THADA: variants seen among roughly 807,000 people sequenced by gnomAD.
THADA encodes THADA armadillo repeat containing.
In THADA, 213 loss-of-function variants were observed where a neutral mutation model predicts 219.8. The observed-to-expected ratio is 0.97, with a 90% confidence interval of 0.87 to 1.09. The LOEUF (loss-of-function observed/expected upper bound fraction) is 1.09. Among genes scored for constraint, THADA ranks in the 50% least tolerant of loss-of-function variants. The pLI is 0.00. For synonymous variants in THADA, 1,018 were observed against 828.9 expected (o/e 1.23, Z -3.92); for missense variants, 2,956 against 2,311.3 (o/e 1.28, Z -5.72).
At position 43,231,024 on chromosome 2, in the gene THADA, G is replaced by A; in HGVS notation, c.5786C>T (p.Thr1929Ile). Residue 1929 changes from threonine (T) to isoleucine (I), a missense_variant, in exon 38 of 38, where the codon ACC becomes ATC. Thr to Ile is a moderately conservative substitution (Grantham distance 89, BLOSUM62 -1). Coordinates refer to ENST00000405975, the MANE Select transcript of THADA (RefSeq NM_022065.5). ...AFLEGKEGEDTLVLSVWDSYA... is the reference protein window; with the variant it reads ...AFLEGKEGEDILVLSVWDSYA... Reference sequence around the variant, plus strand: ...AGAGTCCCAAACACTGAGAACTAGGGTGTCTTCCCCTTCCTTTCCTTCCAA... The same window carrying A: ...AGAGTCCCAAACACTGAGAACTAGGATGTCTTCCCCTTCCTTTCCTTCCAA... 6.2e-7 allele frequency: 1 copy of A among 1,613,912 alleles called. No homozygotes were observed. Among genetic ancestry groups the A allele is most frequent in the Non-Finnish European group, 8.5e-7 (1 of 1,179,870 alleles).
chr2:43,515,142 AATATATTTT>A (rs1558891372), intron 22 of THADA, among the ~76,000 whole-genome samples: 135 of 5,168 alleles, frequency 0.026, 4 homozygotes, highest in Middle Eastern at 0.083. Context: ...TATAATATAT[AATATATTTT>A]ATATATTATA....
At chr2:43,412,179 G>A (rs774541472) in intron 28 of THADA, among the ~76,000 whole-genome samples, 4 of 152,054 alleles carry the variant, frequency 2.6e-5, no homozygotes, top group African/African-American at 4.8e-5. Context: ...CTTTATTTCC[G>A]TTTGAGTTCA....
chr2:43,549,219 C>T lies in THADA; in HGVS notation c.3097G>A (p.Glu1033Lys), dbSNP rs868545665. ...ASVVNIDTST[E>K]IKGKEVKTCD... The stretch of plus-strand genomic sequence containing the variant: ...ATTTTATACAAGTTACCTTTGATTT[C>T]TGTAGAAGTATCAATATTCACCACA... Residue 1033 changes from glutamate (E) to lysine (K), a missense_variant, in exon 20 of 38, where the codon GAA becomes AAA. Coordinates refer to ENST00000405975, the MANE Select transcript of THADA (RefSeq NM_022065.5). 3 of 1,572,250 alleles carry T rather than the reference C, an allele frequency of 1.9e-6. No homozygotes were observed. Among genetic ancestry groups the T allele is most frequent in the East Asian group, 4.5e-5 (2 of 44,386 alleles).
rs781444863 is a variant in THADA at position 43,581,849 on chromosome 2, C to G, written c.613G>C (p.Val205Leu). The change falls in exon 8 of 38, where the codon GTA becomes CTA. Residue 205 changes from valine (V) to leucine (L), a missense_variant. Transcript: ENST00000405975. ...LVGIRVSMML[V>L]QKVQDFQGNL... The stretch of plus-strand genomic sequence containing the variant: ...CCCTGGAAATCTTGTACTTTCTGTA[C>G]TAACATCATTGAAACTCTAATGCCT... The G allele has an allele frequency of 6.2e-7, 1 of 1,612,348 alleles. No homozygotes were observed. The highest frequency in any genetic ancestry group is 1.1e-5 in the South Asian group (1 of 90,778).
intron 29 of THADA, among the ~76,000 whole-genome samples, chr2:43,376,591 G>C (rs1671406630): frequency 6.6e-6 from 1 of 152,140 alleles, no homozygotes; most frequent in Admixed American, 6.5e-5. Flanking sequence ...GGAATCAACA[G>C]CAAAGACTCT....
chr2:43,296,928 G>A (rs1192530782), intron 31 of THADA, among the ~76,000 whole-genome samples: 5 of 149,628 alleles, frequency 3.3e-5, no homozygotes, highest in African/African-American at 9.9e-5. Context: ...GCCTCCCAAA[G>A]TGCCGAGATT....
At chr2:43,455,134 T>C (rs1275066428) in intron 26 of THADA, among the ~76,000 whole-genome samples, 2 of 152,290 alleles carry the variant, frequency 1.3e-5, no homozygotes, top group South Asian at 2.1e-4. Context: ...TCTAATCTTA[T>C]TTTTTCTCTC....
intron 7 of THADA, among the ~76,000 whole-genome samples, chr2:43,583,785 G>A (rs1251933601): frequency 6.6e-6 from 1 of 152,164 alleles, no homozygotes; most frequent in African/African-American, 2.4e-5. Flanking sequence ...AAACACGCCT[G>A]TAATCCCAGC....
At chr2:43,587,495 G>C (rs1370612081) in intron 4 of THADA, among the ~76,000 whole-genome samples, 2 of 151,886 alleles carry the variant, frequency 1.3e-5, no homozygotes, top group African/African-American at 2.4e-5. Flanking sequence ...GCTCTGTTCT[G>C]ACATACCAGT....
chr2:43,353,844 G>C (rs1668565956), intron 29 of THADA, among the ~76,000 whole-genome samples: 1 of 107,768 alleles, frequency 9.3e-6, no homozygotes, highest in African/African-American at 4.0e-5. Context: ...TTGAGATGTA[G>C]TCTCGCTCTG....
At chr2:43,555,246 AAAG>A (rs1438494311) in intron 17 of THADA, among the ~76,000 whole-genome samples, 13 of 151,842 alleles carry the variant, frequency 8.6e-5, no homozygotes, top group African/African-American at 3.1e-4. Context: ...TTATTAAAAA[AAAG>A]AAGATAAAAA....
intron 31 of THADA, among the ~76,000 whole-genome samples, chr2:43,315,633 T>TA (rs898518239): frequency 2.3e-4 from 34 of 150,370 alleles, no homozygotes; most frequent in East Asian, 5.8e-4. Flanking sequence ...TCCAGCTAAT[T>TA]AAAAAAAAAA....
chr2:43,474,388 A>G (rs1202260777), intron 26 of THADA, among the ~76,000 whole-genome samples: 2 of 152,170 alleles, frequency 1.3e-5, no homozygotes, highest in Non-Finnish European at 2.9e-5. Context: ...AGAGGAAAGG[A>G]GTTCACAGAG....
chr2:43,419,070 G>A (rs559577510), intron 28 of THADA, among the ~76,000 whole-genome samples: 1 of 152,186 alleles, frequency 6.6e-6, no homozygotes, highest in Non-Finnish European at 1.5e-5. Flanking sequence ...TGTGGGTGGA[G>A]TGGGTTTCTC....
At chr2:43,433,295 C>A (rs113815136) in intron 26 of THADA, among the ~76,000 whole-genome samples, 3 of 151,834 alleles carry the variant, frequency 2.0e-5, no homozygotes, top group Non-Finnish European at 4.4e-5. Flanking sequence ...TTTGGGAGGC[C>A]GAGCCGGGTG....
chr2:43,252,929 C>A (rs1365010929), intron 36 of THADA, among the ~76,000 whole-genome samples: 1 of 152,230 alleles, frequency 6.6e-6, no homozygotes, highest in Non-Finnish European at 1.5e-5. Context: ...TGACTCCTAA[C>A]TGATCCTCTA....
At chr2:43,400,238 G>T (rs751604690) in intron 28 of THADA, among the ~76,000 whole-genome samples, 45 of 152,018 alleles carry the variant, frequency 3.0e-4, no homozygotes, top group Non-Finnish European at 5.4e-4. Context: ...AAAAGTGCCA[G>T]TATTTTCTGC....
intron 36 of THADA, among the ~76,000 whole-genome samples, chr2:43,237,397 ATT>A (rs70963388): frequency 7.6e-6 from 1 of 132,252 alleles, no homozygotes; most frequent in Non-Finnish European, 1.6e-5. Context: ...AACTCATTTG[ATT>A]TTTTTTTTTT....
intron 34 of THADA, among the ~76,000 whole-genome samples, chr2:43,291,150 A>T (rs796072888): frequency 7.9e-5 from 12 of 152,034 alleles, no homozygotes; most frequent in South Asian, 2.1e-4. Context: ...AACTCTAATT[A>T]AAAAAATGCC....
Sources: allele counts gnomAD v4.1 joint callset (sites outside exome capture counted in the v4.1 genomes callset), GRCh38; gene constraint gnomAD v4.1.1; transcripts MANE v1.5; gene names NCBI Gene and HGNC (gene_info 2026-07-23, HGNC 2026-07-21).